Variants in OTOG observed in about 807,000 individuals in gnomAD.
The protein encoded by OTOG is otogelin.
OTOG carries 296 observed loss-of-function variants against 313.8 expected under a neutral mutation model. The observed-to-expected ratio is 0.94, with a 90% CI of 0.86 to 1.04. The LOEUF is 1.04. Ranked by LOEUF, OTOG falls within the 50% of genes least tolerant of loss-of-function variation. The pLI, the probability that OTOG is intolerant of heterozygous loss-of-function variation, is 0.00. For synonymous variants in OTOG, 1,533 were observed against 1,554.9 expected (o/e 0.99, Z 0.33); for missense variants, 3,948 against 3,840.1 (o/e 1.03, Z -0.74).
chr11:17,614,483 G>T (rs770785214), intron 39 of OTOG, among the ~76,000 whole-genome samples: 1 of 152,064 alleles, frequency 6.6e-6, no homozygotes, highest in Non-Finnish European at 1.5e-5. Flanking sequence ...ACCGTATTTA[G>T]TATACAATTC....
At chr11:17,596,460 T>C (rs1365708534) in intron 29 of OTOG, among the ~76,000 whole-genome samples, 1 of 152,212 alleles carries the variant, frequency 6.6e-6, no homozygotes, top group African/African-American at 2.4e-5. Flanking sequence ...AGGCACCACC[T>C]ATTGCCTGTT....
chr11:17,622,720 A>G (rs1182613847), intron 39 of OTOG, among the ~76,000 whole-genome samples: 1 of 152,238 alleles, frequency 6.6e-6, no homozygotes, highest in Non-Finnish European at 1.5e-5. Flanking sequence ...TCCATTGTGT[A>G]TAAGTACCAC....
chr11:17,634,075 C>A lies in OTOG; in HGVS notation c.7274C>A (p.Thr2425Asn). 6.5e-7 allele frequency: 1 copy of A among 1,545,296 alleles called. No individual in the cohort carries two copies. Residue 2425 changes from threonine to asparagine, a missense_variant, in exon 44 of 56, where the codon ACT becomes AAT. By Grantham distance (65) the Thr-to-Asn change is moderately conservative. Transcript: ENST00000399397. ...LCIPEAKCACTDSMGVPRALG... is the reference protein window; with the variant it reads ...LCIPEAKCACNDSMGVPRALG... ...CTGCCATTCCCCTCTGCAGCCTGCA[C>A]TGACAGCATGGGGGTGCCGAGGGCC...
chr11:17,559,392 C>T lies in OTOG; in HGVS notation c.1214-142C>T. ...TCCTTCTCCTTGTCAATTTCCTGGG[C>T]ACCCAATGCTCCCTCTGGGACTAGG... is the stretch of plus-strand genomic sequence containing the variant. On this transcript the variant is annotated intron_variant, in intron 11 of 55. Coordinates refer to ENST00000399397, the MANE Select transcript of OTOG (RefSeq NM_001292063.2). 3.4e-6 allele frequency: 4 copies of T among 1,173,868 alleles called. No individual in the cohort carries two copies. The South Asian group carries it at 4.7e-5, about 14-fold the overall frequency. 72.7% of individuals were successfully genotyped at this position (1,173,868 alleles called of 1,614,324 possible). A position where few individuals can be genotyped will look rare whatever the true frequency, so the allele number is the denominator to read the frequency against.
Position 17,643,437 on chromosome 11 carries a change from C to T in OTOG, c.8416-24C>T, listed in dbSNP as rs951409566. The T allele has an allele frequency of 2.2e-5, 31 of 1,421,908 alleles. No homozygotes were observed. In the African/African-American group the frequency reaches 4.6e-4, roughly 21 times the overall value. 88.1% of individuals were successfully genotyped at this position (1,421,908 alleles called of 1,614,324 possible). Reference sequence around the variant, plus strand: ...GGACAGGGGTCTCCACACCTACCTACCTCCCCCGACTTCCTCTCTCTAGGT... The same window carrying T: ...GGACAGGGGTCTCCACACCTACCTATCTCCCCCGACTTCCTCTCTCTAGGT... On this transcript the variant is annotated intron_variant, in intron 53 of 55. Coordinates refer to ENST00000399397, the MANE Select transcript of OTOG (RefSeq NM_001292063.2).
chr11:17,580,351 C>T, intron 23 of OTOG, among the ~76,000 whole-genome samples: 1 of 152,230 alleles, frequency 6.6e-6, no homozygotes, highest in East Asian at 1.9e-4. Context: ...TGTAAAATGG[C>T]ACAGAGTAAA....
rs1385223169 is a variant in OTOG, at chr11:17,576,647, G to A, written c.2561+17G>A. On this transcript the variant is annotated intron_variant, in intron 21 of 55. Transcript: ENST00000399397. ...GGGCCACTGGTGAGCTCCGTAGGTA[G>A]CAGCCTTCTTGTCCTCTCTTTAAAG... 6.5e-7 allele frequency: 1 copy of A among 1,540,116 alleles called. No individual in the cohort carries two copies. The highest frequency in any genetic ancestry group is 1.4e-5 in the African/African-American group (1 of 72,940).
Position 17,555,926 on chromosome 11 carries a change from G to C in OTOG, c.659+29G>C, listed in dbSNP as rs560754167. 9.8e-5 allele frequency: 147 copies of C among 1,503,056 alleles called. No individual in the cohort carries two copies. The African/African-American group carries it at 1.9e-3, about 19-fold the overall frequency. The allele number at this position is 1,503,056 out of a possible 1,614,324, so 93.1% of individuals were successfully genotyped here. A position where few individuals can be genotyped will look rare whatever the true frequency, so the allele number is the denominator to read the frequency against. Reference sequence around the variant, plus strand: ...ACTCTAACACCTTCCACATCGAGCTGTCCTATCCCTGACACTGGTGGTGGT... The same window carrying C: ...ACTCTAACACCTTCCACATCGAGCTCTCCTATCCCTGACACTGGTGGTGGT... On this transcript the variant is annotated intron_variant, in intron 7 of 55. Transcript: ENST00000399397.
chr11:17,594,342 G>T (rs998834795), intron 28 of OTOG, among the ~76,000 whole-genome samples, 176 bp downstream of exon 28: 3 of 152,198 alleles, frequency 2.0e-5, no homozygotes, highest in Non-Finnish European at 2.9e-5. Context: ...CAAAGATCAT[G>T]CATAGTCTTG....
At position 17,591,458 on chromosome 11, in the gene OTOG, A is replaced by G; in HGVS notation, c.2876A>G (p.Gln959Arg). 6.4e-7 allele frequency: 1 copy of G among 1,550,712 alleles called. No homozygotes were observed. The highest frequency in any genetic ancestry group is 8.7e-7 in the Non-Finnish European group (1 of 1,147,022). ...VMSPCHTCVC[Q>R]RGSFQCTLHP... is the part of the protein sequence containing the mutation. ...GGGCATGTGTTTTTCAGTGTGTGCC[A>G]GCGGGGCTCATTCCAGTGCACCCTG... Residue 959 changes from glutamine to arginine, a missense_variant, in exon 25 of 56, where the codon CAG becomes CGG. Coordinates refer to ENST00000399397, the MANE Select transcript of OTOG (RefSeq NM_001292063.2).
At chr11:17,565,490 C>T (rs1852277402) in intron 15 of OTOG, among the ~76,000 whole-genome samples, 1 of 152,154 alleles carries the variant, frequency 6.6e-6, no homozygotes, top group Admixed American at 6.5e-5. Context: ...TAAACTTACT[C>T]CTTTTTCCCC....
At chr11:17,618,175 A>G (rs890893199) in intron 39 of OTOG, among the ~76,000 whole-genome samples, 1 of 152,212 alleles carries the variant, frequency 6.6e-6, no homozygotes, top group African/African-American at 2.4e-5. Flanking sequence ...TGCTGGGATT[A>G]CAGGCGTGAG....
intron 22 of OTOG, 168 bp from the exon 23 acceptor site, chr11:17,578,205 C>A: frequency 7.2e-7 from 1 of 1,379,434 alleles, no homozygotes; most frequent in East Asian, 2.7e-5. Context: ...CACATCTACC[C>A]CTCCCTCTGT....
intron 15 of OTOG, among the ~76,000 whole-genome samples, chr11:17,566,389 A>G (rs1053203759): frequency 7.9e-5 from 12 of 152,198 alleles, no homozygotes; most frequent in East Asian, 1.9e-4. Context: ...AATATTTTCA[A>G]TCCATGGTTG....
chr11:17,639,081 A>G, intron 48 of OTOG: 1 of 369,300 alleles, frequency 2.7e-6, no homozygotes. Context: ...ATAAATAAAA[A>G]GAATAGGCTC....
Position 17,547,425 on chromosome 11 carries a change from G to C in OTOG, c.53G>C (p.Trp18Ser). Residue 18 changes from tryptophan to serine, a missense_variant, in exon 1 of 56, where the codon TGG becomes TCG. Transcript: ENST00000399397. The part of the protein sequence containing the change: ...LCWLLCVWLP[W>S]GEQAAESLRV... ...TGGCTGCTTTGTGTCTGGCTGCCCTGGGGTGAGCAGGCAGCCGAGTCCCTG... is the reference window on the plus strand; with the variant it reads ...TGGCTGCTTTGTGTCTGGCTGCCCTCGGGTGAGCAGGCAGCCGAGTCCCTG... 1.4e-6 allele frequency: 2 copies of C among 1,408,542 alleles called. No individual in the cohort carries two copies. Among genetic ancestry groups the C allele is most frequent in the Non-Finnish European group, 1.8e-6 (2 of 1,085,638 alleles). 87.3% of individuals were successfully genotyped at this position (1,408,542 alleles called of 1,614,324 possible). A position where few individuals can be genotyped will look rare whatever the true frequency, so the allele number is the denominator to read the frequency against.
rs1245219844 is a variant in OTOG at position 17,570,303 on chromosome 11, G to A, written c.1868G>A (p.Arg623Gln). 15 of 1,550,814 alleles carry A rather than the reference G, an allele frequency of 9.7e-6. No homozygotes were observed. Among genetic ancestry groups the A allele is most frequent in the African/African-American group, 2.7e-5 (2 of 73,174 alleles). The part of the protein sequence containing the change: ...VRVLYDREGL[R>Q]LYLQVDQRWV... ...GTGCTCTACGACCGTGAAGGGCTCC[G>A]ACTGTACCTGCAAGTGGACCAGCGA... Residue 623 changes from arginine to glutamine, a missense_variant, in exon 17 of 56, where the codon CGA (arginine) becomes CAA (glutamine). Coordinates refer to ENST00000399397, the MANE Select transcript of OTOG (RefSeq NM_001292063.2).
chr11:17,615,797 A>G (rs2134102926), intron 39 of OTOG, among the ~76,000 whole-genome samples: 1 of 152,212 alleles, frequency 6.6e-6, no homozygotes, highest in Non-Finnish European at 1.5e-5. Context: ...GCGTGGTGGC[A>G]CGCACCTATA....
intron 34 of OTOG, 109 bp downstream of exon 34, chr11:17,608,522 G>A (rs1853446390): frequency 1.4e-6 from 1 of 719,164 alleles, no homozygotes; most frequent in Non-Finnish European, 2.2e-6. Flanking sequence ...GTATGGGGAT[G>A]TGTGTACCAC....
Sources: gnomAD v4.1 joint callset for allele counts (sites outside exome capture counted in the v4.1 genomes callset) on GRCh38, gnomAD v4.1.1 for gene constraint, MANE v1.5 for transcripts, NCBI Gene and HGNC (gene_info 2026-07-23, HGNC 2026-07-21) for gene names.